MCC: variants seen among roughly 807,000 people sequenced by gnomAD.
The protein encoded by MCC is colorectal mutant cancer protein.
Under a neutral mutation model 116.2 loss-of-function variants are expected in MCC, and 90 were observed. The observed-to-expected ratio is 0.77, with a 90% CI of 0.65 to 0.92. The LOEUF is 0.92. Among genes scored for constraint, MCC ranks in the 40% least tolerant of loss-of-function variants. MCC has a pLI of 0.00. For synonymous variants in MCC, 578 were observed against 510.5 expected (o/e 1.13, Z -1.78); for missense variants, 1,516 against 1,312.2 (o/e 1.16, Z -2.40).
intron 3 of MCC, among the ~76,000 whole-genome samples, chr5:113,160,256 C>T (rs960709494): frequency 2.0e-5 from 3 of 152,172 alleles, no homozygotes; most frequent in African/African-American, 7.2e-5. Context: ...TAGGAAATGG[C>T]TCCCAAGGGG....
chr5:113,359,657 T>G (rs1768498959), intron 2 of MCC, among the ~76,000 whole-genome samples: 1 of 152,246 alleles, frequency 6.6e-6, no homozygotes, highest in Non-Finnish European at 1.5e-5. Context: ...GGCAGCTCAT[T>G]ATCTTGGTTT....
intron 1 of MCC, among the ~76,000 whole-genome samples, chr5:113,454,293 C>T (rs1771480862): frequency 6.6e-6 from 1 of 152,064 alleles, no homozygotes; most frequent in South Asian, 2.1e-4. Flanking sequence ...TTTGTAGAGA[C>T]AGGGTCTTAC....
In MCC at chr5:113,073,731, G is replaced by A. The variant is rs939073954; in HGVS notation, c.1785-2497C>T. Among the ~76,000 whole-genome samples, 19 of 149,804 alleles carry A rather than the reference G, an allele frequency of 1.3e-4. 1 individual carries two copies. The highest frequency in any genetic ancestry group is 4.2e-4 in the African/African-American group (17 of 40,644). On this transcript the variant is annotated intron_variant, in intron 11 of 18. Coordinates refer to ENST00000408903, the MANE Select transcript of MCC (RefSeq NM_001085377.2). ...CAGATGCCTGCCCTGACTACCCACCGAAAAATTAACCTTCTCTGGGGTCCC... is the reference window on the plus strand; with the variant it reads ...CAGATGCCTGCCCTGACTACCCACCAAAAAATTAACCTTCTCTGGGGTCCC...
intron 2 of MCC, among the ~76,000 whole-genome samples, chr5:113,344,767 C>A (rs1768093967): frequency 6.6e-6 from 1 of 151,894 alleles, no homozygotes; most frequent in Non-Finnish European, 1.5e-5. Context: ...TCATTGGGCC[C>A]CGAATAATCA....
chr5:113,371,941 A>C (rs1052026030), intron 2 of MCC, among the ~76,000 whole-genome samples: 79 of 152,380 alleles, frequency 5.2e-4, no homozygotes, highest in African/African-American at 1.8e-3. Context: ...ATCTCAGCCA[A>C]GTAATCATTT....
At chr5:113,200,399 C>T (rs749948253) in intron 3 of MCC, among the ~76,000 whole-genome samples, 10 of 152,182 alleles carry the variant, frequency 6.6e-5, no homozygotes, top group Non-Finnish European at 1.5e-4. Context: ...GATGACTTGA[C>T]AGTGAACCAC....
intron 5 of MCC, among the ~76,000 whole-genome samples, chr5:113,140,938 G>A (rs1759141576): frequency 6.6e-6 from 1 of 152,164 alleles, no homozygotes; most frequent in South Asian, 2.1e-4. Context: ...ACTGGATTAA[G>A]GAATATCTGA....
At chr5:113,122,622 A>C in intron 6 of MCC, 62 bp downstream of exon 6, 2 of 1,582,034 alleles carry the variant, frequency 1.3e-6, no homozygotes, top group Non-Finnish European at 8.6e-7. Context: ...TCACATTTCT[A>C]AAATTTCTAT....
intron 3 of MCC, among the ~76,000 whole-genome samples, chr5:113,214,404 C>T (rs555529239): frequency 3.3e-5 from 5 of 152,336 alleles, no homozygotes; most frequent in East Asian, 1.9e-4. Context: ...CGTGTTCATT[C>T]GCTGCGCTCC....
chr5:113,341,141 C>T (rs1192647443), intron 2 of MCC, among the ~76,000 whole-genome samples: 1 of 152,146 alleles, frequency 6.6e-6, no homozygotes, highest in Non-Finnish European at 1.5e-5. Flanking sequence ...TAACATATGG[C>T]ACTTTATCAT....
At chr5:113,346,612 AAAC>A (rs142810210) in intron 2 of MCC, among the ~76,000 whole-genome samples, 29,165 of 127,456 alleles carry the variant, frequency 0.23, 5,992 homozygotes, top group African/African-American at 0.57. Flanking sequence ...AAAAACAAAC[AAAC>A]AACAACAACA....
intron 8 of MCC, among the ~76,000 whole-genome samples, chr5:113,098,129 C>T (rs990959640): frequency 5.9e-5 from 9 of 152,224 alleles, no homozygotes; most frequent in Non-Finnish European, 4.4e-5. Context: ...GTTTCATGTG[C>T]CTGTGGTCAT....
intron 4 of MCC, among the ~76,000 whole-genome samples, chr5:113,148,939 A>G (rs1250280965): frequency 6.6e-6 from 1 of 152,226 alleles, no homozygotes; most frequent in Non-Finnish European, 1.5e-5. Flanking sequence ...GTAAGTAAAA[A>G]AAGAGCTGAA....
intron 11 of MCC, among the ~76,000 whole-genome samples, chr5:113,082,106 C>T (rs1331826004): frequency 1.3e-5 from 2 of 152,252 alleles, no homozygotes; most frequent in African/African-American, 2.4e-5. Flanking sequence ...TTGTTAGCAA[C>T]TCCCTCATCA....
intron 3 of MCC, among the ~76,000 whole-genome samples, chr5:113,305,954 T>C (rs1212040385): frequency 1.3e-5 from 2 of 152,192 alleles, no homozygotes; most frequent in Non-Finnish European, 2.9e-5. Flanking sequence ...CAAGTCTACG[T>C]TGTGTCTCTG....
intron 1 of MCC, among the ~76,000 whole-genome samples, chr5:113,387,627 G>A (rs1030538725): frequency 6.6e-6 from 1 of 152,096 alleles, no homozygotes; most frequent in Non-Finnish European, 1.5e-5. Context: ...TTCTCTGATT[G>A]GTAAAAATAT....
chr5:113,261,379 G>A lies in MCC; in HGVS notation c.627+79140C>T, dbSNP rs117522072. Among the ~76,000 whole-genome samples, 133 of 152,224 alleles carry A rather than the reference G, an allele frequency of 8.7e-4. 2 individuals are homozygous for A. The East Asian group carries it at 0.018, about 21-fold the overall frequency. On this transcript the variant is annotated intron_variant, in intron 3 of 18. Coordinates refer to ENST00000408903, the MANE Select transcript of MCC (RefSeq NM_001085377.2). ...CTATCCCATCATAAATCTGTAAAAT[G>A]CTCATAATATAATGTTAACTGGAAA...
rs141055344 is a variant in MCC at position 113,081,435 on chromosome 5, A to G, written c.1784+1425T>C. On this transcript the variant is annotated intron_variant, in intron 11 of 18. Coordinates refer to ENST00000408903, the MANE Select transcript of MCC (RefSeq NM_001085377.2). Reference sequence around the variant, plus strand: ...GTAAGCTGTTAAACACCATAATAACATCAGCTACCAGCAAAATATTTCCCC... The same window carrying G: ...GTAAGCTGTTAAACACCATAATAACGTCAGCTACCAGCAAAATATTTCCCC... Among the ~76,000 whole-genome samples, 234 of 152,316 alleles carry G rather than the reference A, an allele frequency of 1.5e-3. 3 individuals are homozygous for G. The highest frequency in any genetic ancestry group is 5.4e-3 in the African/African-American group (223 of 41,576).
chr5:113,221,245 T>A (rs1051255656), intron 3 of MCC, among the ~76,000 whole-genome samples: 1 of 152,210 alleles, frequency 6.6e-6, no homozygotes, highest in Admixed American at 6.5e-5. Flanking sequence ...ACAGATGTGC[T>A]TGCATTTATC....
Sources: gnomAD v4.1 joint callset for allele counts (sites outside exome capture counted in the v4.1 genomes callset) on GRCh38, gnomAD v4.1.1 for gene constraint, MANE v1.5 for transcripts, NCBI Gene and HGNC (gene_info 2026-07-23, HGNC 2026-07-21) for gene names.